Variants in KHDRBS2 observed in about 807,000 individuals in gnomAD.
KHDRBS2 encodes the protein KH RNA binding domain containing, signal transduction associated 2.
KHDRBS2 carries 26 observed loss-of-function variants against 44.3 expected under a neutral mutation model. The ratio of observed to expected loss-of-function variants is 0.59; its 90% confidence interval spans 0.43 to 0.81. KHDRBS2 has a LOEUF of 0.81. Among genes scored for constraint, KHDRBS2 ranks in the 40% least tolerant of loss-of-function variants. The pLI, the probability that KHDRBS2 is intolerant of heterozygous loss-of-function variation, is 0.00. For missense variants in KHDRBS2, 476 were observed against 433.1 expected (o/e 1.10, Z -0.88); for synonymous variants, 194 against 151.1 (o/e 1.28, Z -2.08).
chr6:61,576,238 T>C, the KHDRBS2 span, among the ~76,000 whole-genome samples: 1 of 152,202 alleles, frequency 6.6e-6, no homozygotes, highest in Non-Finnish European at 1.5e-5. Flanking sequence ...GGTTCATTTT[T>C]TTGGGTTATC....
chr6:62,164,621 CA>C (rs1303555767), intron 2 of KHDRBS2, among the ~76,000 whole-genome samples: 1 of 151,744 alleles, frequency 6.6e-6, no homozygotes, highest in Non-Finnish European at 1.5e-5. Flanking sequence ...CTTTTATACT[CA>C]AGGGGAACAA....
intron 3 of KHDRBS2, among the ~76,000 whole-genome samples, chr6:62,025,352 AT>A (rs1783097560): frequency 6.6e-6 from 1 of 151,430 alleles, no homozygotes; most frequent in Non-Finnish European, 1.5e-5. Flanking sequence ...CTTTTTCCTA[AT>A]TTTTTAATGA....
the KHDRBS2 span, among the ~76,000 whole-genome samples, chr6:61,542,978 C>T: frequency 1.9e-4 from 29 of 152,034 alleles, no homozygotes; most frequent in African/African-American, 6.5e-4. Context: ...TAGGATAGAA[C>T]ATGGTATAAA....
At chr6:62,241,788 C>A (rs1309877184) in intron 1 of KHDRBS2, among the ~76,000 whole-genome samples, 3 of 148,644 alleles carry the variant, frequency 2.0e-5, no homozygotes, top group East Asian at 1.9e-4. Context: ...CATAATTATC[C>A]AGGATTCAAG....
chr6:62,197,993 T>TA (rs1826045368), intron 1 of KHDRBS2, among the ~76,000 whole-genome samples: 1 of 151,944 alleles, frequency 6.6e-6, no homozygotes, highest in African/African-American at 2.4e-5. Context: ...GACTACTGGG[T>TA]AAAAAACGAA....
chr6:61,568,548 T>G, the KHDRBS2 span, among the ~76,000 whole-genome samples: 3 of 152,206 alleles, frequency 2.0e-5, no homozygotes, highest in Non-Finnish European at 2.9e-5. Flanking sequence ...CCTTTGAATG[T>G]TACTGCAAAT....
intron 2 of KHDRBS2, among the ~76,000 whole-genome samples, chr6:62,109,306 T>A (rs1036195063): frequency 6.6e-6 from 1 of 151,968 alleles, no homozygotes; most frequent in South Asian, 2.1e-4. Context: ...TCCTAATTTT[T>A]AAAAAAAGTA....
chr6:62,259,622 A>C (rs2150180762), intron 1 of KHDRBS2, among the ~76,000 whole-genome samples: 1 of 152,118 alleles, frequency 6.6e-6, no homozygotes, highest in African/African-American at 2.4e-5. Flanking sequence ...AAATCATATG[A>C]CAGAAAACAT....
intron 2 of KHDRBS2, among the ~76,000 whole-genome samples, chr6:62,124,986 A>T (rs1315535074): frequency 6.6e-6 from 1 of 152,166 alleles, no homozygotes; most frequent in Non-Finnish European, 1.5e-5. Flanking sequence ...TTTCTCTGAT[A>T]ATTAGGGACA....
intron 1 of KHDRBS2, among the ~76,000 whole-genome samples, chr6:62,278,841 T>A (rs1211200929): frequency 3.9e-5 from 6 of 152,156 alleles, no homozygotes; most frequent in African/African-American, 1.4e-4. Context: ...ACGTCTGTAA[T>A]CCCAGCACTT....
intron 6 of KHDRBS2, among the ~76,000 whole-genome samples, chr6:61,850,646 A>T (rs990403307): frequency 4.6e-5 from 7 of 152,140 alleles, no homozygotes; most frequent in Non-Finnish European, 1.0e-4. Context: ...CACACAGAGA[A>T]TTTTTTCCAA....
At chr6:62,082,848 T>C (rs1473486142) in intron 2 of KHDRBS2, among the ~76,000 whole-genome samples, 1 of 152,154 alleles carries the variant, frequency 6.6e-6, no homozygotes, top group Admixed American at 6.5e-5. Context: ...GCTGAAGTCC[T>C]CCATGTTCCA....
intron 4 of KHDRBS2, among the ~76,000 whole-genome samples, chr6:61,907,888 T>C (rs1805311028): frequency 6.6e-6 from 1 of 152,228 alleles, no homozygotes; most frequent in Non-Finnish European, 1.5e-5. Flanking sequence ...TGCTGATGCT[T>C]CAGTTATATA....
intron 4 of KHDRBS2, among the ~76,000 whole-genome samples, chr6:61,952,071 T>G (rs1449476469): frequency 3.3e-5 from 5 of 152,098 alleles, no homozygotes; most frequent in Admixed American, 1.3e-4. Flanking sequence ...TTGATGATAA[T>G]GACTAAGGCA....
chr6:61,723,521 G>A (rs1773042559), intron 7 of KHDRBS2, among the ~76,000 whole-genome samples: 1 of 151,868 alleles, frequency 6.6e-6, no homozygotes, highest in African/African-American at 2.4e-5. Context: ...CTGCACTCCA[G>A]CCTGGCAACA....
chr6:62,066,018 CT>C (rs1793608890), intron 2 of KHDRBS2, among the ~76,000 whole-genome samples: 1 of 151,466 alleles, frequency 6.6e-6, no homozygotes, highest in Non-Finnish European at 1.5e-5. Flanking sequence ...GTTTTTCATC[CT>C]GTGTGGAGAG....
At chr6:61,549,720 C>T in the KHDRBS2 span, among the ~76,000 whole-genome samples, 1 of 152,116 alleles carries the variant, frequency 6.6e-6, no homozygotes, top group Non-Finnish European at 1.5e-5. Flanking sequence ...TACACCAAAA[C>T]TTGATAAGTA....
chr6:62,049,530 G>A (rs1584362825), intron 2 of KHDRBS2, among the ~76,000 whole-genome samples: 1 of 151,032 alleles, frequency 6.6e-6, no homozygotes, highest in Non-Finnish European at 1.5e-5. Flanking sequence ...GTGATGATAA[G>A]CTTTTATTCA....
intron 6 of KHDRBS2, among the ~76,000 whole-genome samples, chr6:61,767,779 T>G (rs367699392): frequency 7.9e-5 from 12 of 152,268 alleles, no homozygotes; most frequent in African/African-American, 2.6e-4. Context: ...CAGTTTAATT[T>G]TATCCCCTAC....
Sources: gnomAD v4.1 joint callset for allele counts (sites outside exome capture counted in the v4.1 genomes callset) on GRCh38, gnomAD v4.1.1 for gene constraint, MANE v1.5 for transcripts, NCBI Gene and HGNC (gene_info 2026-07-23, HGNC 2026-07-21) for gene names.